MAST4: variants seen among roughly 807,000 people sequenced by gnomAD.
MAST4 encodes microtubule associated serine/threonine kinase family member 4.
In MAST4, 89 loss-of-function variants were observed where a neutral mutation model predicts 162.7. The observed-to-expected ratio is 0.55, with a 90% CI of 0.46 to 0.65. The LOEUF (loss-of-function observed/expected upper bound fraction) is 0.65. Among genes scored for constraint, MAST4 ranks in the 30% least tolerant of loss-of-function variants. The pLI is 0.00. For missense variants in MAST4, 3,153 were observed against 3,374.0 expected, an observed-to-expected ratio of 0.93 and a Z score of 1.62; for synonymous variants, 1,479 against 1,361.1, an observed-to-expected ratio of 1.09 and a Z score of -1.91.
intron 1 of MAST4, among the ~76,000 whole-genome samples, chr5:66,753,682 C>A (rs575283336): frequency 2.6e-5 from 4 of 151,030 alleles, no homozygotes; most frequent in Non-Finnish European, 4.4e-5. Flanking sequence ...CAAACAGAGT[C>A]CAGGACCAGA....
intron 4 of MAST4, among the ~76,000 whole-genome samples, chr5:66,974,910 T>C (rs554807724): frequency 6.6e-6 from 1 of 152,346 alleles, no homozygotes; most frequent in African/African-American, 2.4e-5. Context: ...ACACTTAATA[T>C]AGCTGATGTA....
intron 1 of MAST4, among the ~76,000 whole-genome samples, chr5:66,753,352 G>A (rs1387812908): frequency 6.6e-6 from 1 of 151,712 alleles, no homozygotes; most frequent in East Asian, 1.9e-4. Flanking sequence ...AAAAATTAAT[G>A]AATCCAGGAG....
chr5:66,661,748 C>G (rs918337103), intron 1 of MAST4, among the ~76,000 whole-genome samples: 1 of 152,118 alleles, frequency 6.6e-6, no homozygotes, highest in Non-Finnish European at 1.5e-5. Flanking sequence ...AAGTAGACAT[C>G]TGTATTTGCC....
At chr5:66,927,335 C>G (rs1463467645) in intron 4 of MAST4, among the ~76,000 whole-genome samples, 5 of 152,208 alleles carry the variant, frequency 3.3e-5, no homozygotes, top group African/African-American at 1.2e-4. Context: ...ACTCTTGTTT[C>G]ACTCAGTTGG....
chr5:67,111,504 A>G (rs914205749), intron 11 of MAST4, among the ~76,000 whole-genome samples: 1 of 152,130 alleles, frequency 6.6e-6, no homozygotes, highest in African/African-American at 2.4e-5. Context: ...CAAACACACC[A>G]TTTGGCATTG....
At chr5:66,788,533 T>TGGG in intron 2 of MAST4, 137 bp from the exon 3 acceptor site, 1 of 1,151,230 alleles carries the variant, frequency 8.7e-7, no homozygotes, top group South Asian at 1.5e-5. Context: ...AGGTTGCTAT[T>TGGG]AATGTTATTA....
intron 1 of MAST4, among the ~76,000 whole-genome samples, chr5:66,621,808 G>A (rs1478737341): frequency 1.3e-5 from 2 of 152,196 alleles, no homozygotes; most frequent in Non-Finnish European, 2.9e-5. Context: ...ATGGAGGGGA[G>A]GCAGATAATA....
rs572549956 is a variant in MAST4, at chr5:66,775,374, CTG to C, written c.518-13294_518-13293del. Among the ~76,000 whole-genome samples, 908 of 152,230 alleles carry C rather than the reference CTG, an allele frequency of 6.0e-3. 6 individuals carry two copies. The highest frequency in any genetic ancestry group is 0.025 in the Admixed American group (381 of 15,292). ...AGGGAATGCTAAGTAGCTGGCAAAA[CTG>C]TTACTATAAAACATGAGGCATTGAC... On this transcript the variant is annotated intron_variant, in intron 2 of 28. Coordinates refer to ENST00000403625, the MANE Select transcript of MAST4 (RefSeq NM_001164664.2).
At chr5:67,146,103 T>C (rs1335217929) in intron 23 of MAST4, among the ~76,000 whole-genome samples, 1 of 152,208 alleles carries the variant, frequency 6.6e-6, no homozygotes, top group Non-Finnish European at 1.5e-5. Flanking sequence ...CTCTGGGTAA[T>C]TGGAGTAAGA....
chr5:66,607,115 G>A (rs1452211327), intron 1 of MAST4, among the ~76,000 whole-genome samples: 1 of 152,110 alleles, frequency 6.6e-6, no homozygotes, highest in Non-Finnish European at 1.5e-5. Flanking sequence ...GGGAGATACT[G>A]GGACAAGGGC....
At chr5:66,857,935 CT>C (rs1280974637) in intron 3 of MAST4, among the ~76,000 whole-genome samples, 1 of 151,918 alleles carries the variant, frequency 6.6e-6, no homozygotes. Flanking sequence ...CATAAAATAT[CT>C]TTTTTTCTAA....
chr5:66,958,490 A>G (rs1385645057), intron 4 of MAST4, among the ~76,000 whole-genome samples: 2 of 152,194 alleles, frequency 1.3e-5, no homozygotes, highest in Non-Finnish European at 2.9e-5. Flanking sequence ...CAGCACTGCG[A>G]TCTTAAAAAT....
At chr5:66,900,813 G>A (rs1034989612) in intron 4 of MAST4, among the ~76,000 whole-genome samples, 2 of 152,084 alleles carry the variant, frequency 1.3e-5, no homozygotes, top group African/African-American at 4.8e-5. Flanking sequence ...ATTTATTCTA[G>A]GCTAAATTTT....
At chr5:66,853,164 A>G (rs1030911908) in intron 3 of MAST4, among the ~76,000 whole-genome samples, 1 of 152,238 alleles carries the variant, frequency 6.6e-6, no homozygotes, top group Non-Finnish European at 1.5e-5. Flanking sequence ...CATGTTAGTT[A>G]AAGTGGATTC....
chr5:66,919,660 GAAAA>G (rs56802433), intron 4 of MAST4, among the ~76,000 whole-genome samples: 6 of 96,894 alleles, frequency 6.2e-5, no homozygotes, highest in South Asian at 6.5e-4. Flanking sequence ...CTCCGTCACA[GAAAA>G]AAAAAAAAAA....
chr5:66,941,968 A>G (rs899537461), intron 4 of MAST4, among the ~76,000 whole-genome samples: 4 of 152,152 alleles, frequency 2.6e-5, no homozygotes, highest in African/African-American at 9.6e-5. Flanking sequence ...ATTGTCTTAT[A>G]TGACACTGTT....
intron 11 of MAST4, among the ~76,000 whole-genome samples, chr5:67,112,380 C>A (rs1246954952): frequency 2.0e-5 from 3 of 152,202 alleles, no homozygotes; most frequent in Non-Finnish European, 4.4e-5. Flanking sequence ...TCCTCCAATT[C>A]CATTCCAACA....
chr5:66,770,297 G>T (rs1754302001), intron 2 of MAST4, among the ~76,000 whole-genome samples: 1 of 152,214 alleles, frequency 6.6e-6, no homozygotes, highest in South Asian at 2.1e-4. Flanking sequence ...ATGTATTTTT[G>T]TAAGTGTTGC....
chr5:66,758,499 C>T (rs577554938), intron 1 of MAST4, among the ~76,000 whole-genome samples: 67 of 152,170 alleles, frequency 4.4e-4, no homozygotes, highest in Non-Finnish European at 8.8e-4. Flanking sequence ...TCACTGTAGA[C>T]TTGACCTCCT....
Sources: allele counts gnomAD v4.1 joint callset (sites outside exome capture counted in the v4.1 genomes callset), GRCh38; gene constraint gnomAD v4.1.1; transcripts MANE v1.5; gene names NCBI Gene and HGNC (gene_info 2026-07-23, HGNC 2026-07-21).